DLG2: variants seen among roughly 807,000 people sequenced by gnomAD.
DLG2 encodes the protein disks large homolog 2.
DLG2 carries 45 observed loss-of-function variants against 132.5 expected under a neutral mutation model. That is an observed-to-expected ratio of 0.34 (90% confidence interval 0.27 to 0.44). DLG2 has a LOEUF of 0.44. Ranked by LOEUF, DLG2 falls within the 20% of genes least tolerant of loss-of-function variation. The pLI is 1.00. For missense variants in DLG2, 1,045 were observed against 1,196.9 expected, an observed-to-expected ratio of 0.87 and a Z score of 1.87; for synonymous variants, 424 against 419.6, an observed-to-expected ratio of 1.01 and a Z score of -0.13.
chr11:84,465,460 G>A (rs2099091699), intron 7 of DLG2, among the ~76,000 whole-genome samples: 1 of 151,188 alleles, frequency 6.6e-6, no homozygotes, highest in East Asian at 1.9e-4. Context: ...CGTGCACCAT[G>A]AGAGACAATG....
At chr11:85,304,046 T>C (rs1033557566) in intron 3 of DLG2, among the ~76,000 whole-genome samples, 3 of 152,114 alleles carry the variant, frequency 2.0e-5, no homozygotes, top group Non-Finnish European at 4.4e-5. Context: ...TCTTAGACAA[T>C]CCCAAATACA....
chr11:84,427,266 A>G (rs547675774), intron 7 of DLG2, among the ~76,000 whole-genome samples: 39 of 152,230 alleles, frequency 2.6e-4, no homozygotes, highest in African/African-American at 8.9e-4. Flanking sequence ...GAGGGAGGAA[A>G]GAAAGGAGGT....
chr11:85,057,625 C>G (rs960842355), intron 6 of DLG2, among the ~76,000 whole-genome samples: 7 of 151,366 alleles, frequency 4.6e-5, no homozygotes, highest in Non-Finnish European at 8.9e-5. Context: ...CAGAGAACAG[C>G]AAAAGATAAA....
At chr11:84,212,612 T>C (rs1387131434) in intron 8 of DLG2, among the ~76,000 whole-genome samples, 2 of 152,246 alleles carry the variant, frequency 1.3e-5, no homozygotes, top group African/African-American at 4.8e-5. Context: ...AACCAGTGGC[T>C]AATGATGCTT....
intron 6 of DLG2, among the ~76,000 whole-genome samples, chr11:84,536,826 C>T (rs1231955332): frequency 6.6e-6 from 1 of 152,148 alleles, no homozygotes; most frequent in African/African-American, 2.4e-5. Flanking sequence ...TCCACACTCT[C>T]CTTATTCTTC....
At chr11:85,141,419 T>A in intron 5 of DLG2, among the ~76,000 whole-genome samples, 1 of 151,596 alleles carries the variant, frequency 6.6e-6, no homozygotes, top group Non-Finnish European at 1.5e-5. Flanking sequence ...AGATTATTTG[T>A]TTTTTTTCCC....
At chr11:85,485,355 C>G (rs2093406009) in intron 3 of DLG2, among the ~76,000 whole-genome samples, 2 of 149,106 alleles carry the variant, frequency 1.3e-5, no homozygotes, top group Admixed American at 6.7e-5. Context: ...AGTATAATAA[C>G]AATAAATAAA....
At chr11:84,166,014 A>G (rs901127183) in intron 8 of DLG2, among the ~76,000 whole-genome samples, 1 of 152,146 alleles carries the variant, frequency 6.6e-6, no homozygotes, top group South Asian at 2.1e-4. Flanking sequence ...CATCATTTCA[A>G]CCTTTTACAT....
intron 3 of DLG2, 133 bp from the exon 4 acceptor site, chr11:85,285,498 T>TAAA: frequency 1.4e-6 from 1 of 734,718 alleles, no homozygotes; most frequent in Non-Finnish European, 2.1e-6. Context: ...TATCCCAAAG[T>TAAA]AAAACAGAAG....
At chr11:85,612,392 A>G (rs1288612577) in intron 2 of DLG2, among the ~76,000 whole-genome samples, 2 of 152,236 alleles carry the variant, frequency 1.3e-5, no homozygotes, top group African/African-American at 4.8e-5. Context: ...GCAAGTAAGG[A>G]AACAAAGACA....
chr11:85,150,044 G>A (rs1291737216), intron 5 of DLG2, among the ~76,000 whole-genome samples: 15 of 98,614 alleles, frequency 1.5e-4, no homozygotes, highest in Non-Finnish European at 2.5e-4. Context: ...TTTTGAGACA[G>A]AGTCTCACTC....
intron 18 of DLG2, among the ~76,000 whole-genome samples, chr11:83,780,359 C>T (rs1283164047): frequency 6.6e-6 from 1 of 152,112 alleles, no homozygotes; most frequent in Non-Finnish European, 1.5e-5. Context: ...ACAGTGGTTA[C>T]CCCAAATAAC....
chr11:84,344,729 C>G (rs1017925595), intron 7 of DLG2, among the ~76,000 whole-genome samples: 2 of 152,186 alleles, frequency 1.3e-5, no homozygotes, highest in Non-Finnish European at 2.9e-5. Context: ...CTAACGTTCC[C>G]TGTCTGAAGA....
At chr11:84,433,274 G>T (rs974727393) in intron 7 of DLG2, among the ~76,000 whole-genome samples, 4 of 152,082 alleles carry the variant, frequency 2.6e-5, no homozygotes, top group Non-Finnish European at 5.9e-5. Flanking sequence ...GGAAGTGAAG[G>T]TTCACAAGTT....
chr11:84,384,996 T>C (rs2098763567), intron 7 of DLG2, among the ~76,000 whole-genome samples: 1 of 152,098 alleles, frequency 6.6e-6, no homozygotes, highest in African/African-American at 2.4e-5. Context: ...TTGGAGGCTC[T>C]TGAAAAAGGA....
At chr11:83,602,770 T>C (rs1347317844) in intron 19 of DLG2, among the ~76,000 whole-genome samples, 1 of 152,212 alleles carries the variant, frequency 6.6e-6, no homozygotes, top group Non-Finnish European at 1.5e-5. Context: ...AACCTGAATA[T>C]AGTAAGTGCT....
chr11:83,907,566 A>C (rs2075255483), intron 15 of DLG2, among the ~76,000 whole-genome samples: 1 of 152,164 alleles, frequency 6.6e-6, no homozygotes, highest in Admixed American at 6.5e-5. Flanking sequence ...ATAGGATGGG[A>C]AGGATAATGA....
chr11:84,144,824 A>AT (rs1354973040), intron 9 of DLG2, among the ~76,000 whole-genome samples: 1 of 151,692 alleles, frequency 6.6e-6, no homozygotes, highest in Non-Finnish European at 1.5e-5. Flanking sequence ...CTGAAGTTAT[A>AT]TTTTTTGCCA....
At chr11:85,055,479 G>C (rs1371780918) in intron 6 of DLG2, among the ~76,000 whole-genome samples, 1 of 152,174 alleles carries the variant, frequency 6.6e-6, no homozygotes, top group Non-Finnish European at 1.5e-5. Flanking sequence ...TTTCCTGTTA[G>C]AAGCTAGTGC....
Sources: allele counts gnomAD v4.1 joint callset (sites outside exome capture counted in the v4.1 genomes callset), GRCh38; gene constraint gnomAD v4.1.1; transcripts MANE v1.5; gene names NCBI Gene and HGNC (gene_info 2026-07-23, HGNC 2026-07-21).